The following HIF3A variants were observed in gnomAD, a reference collection of about 807,000 sequenced individuals.
HIF3A encodes hypoxia inducible factor 3 subunit alpha, also known as hypoxia-inducible factor 3-alpha.
HIF3A carries 41 observed loss-of-function variants against 67.2 expected under a neutral mutation model. The observed-to-expected ratio is 0.61, with a 90% CI of 0.48 to 0.79. The LOEUF (loss-of-function observed/expected upper bound fraction) is 0.79. Ranked by LOEUF, HIF3A falls within the 30% of genes least tolerant of loss-of-function variation. The pLI, the probability that HIF3A is intolerant of heterozygous loss-of-function variation, is 0.00. For synonymous variants in HIF3A, 356 were observed against 374.8 expected, an observed-to-expected ratio of 0.95 and a Z score of 0.58; for missense variants, 855 against 898.0, an observed-to-expected ratio of 0.95 and a Z score of 0.61.
intron 14 of HIF3A, among the ~76,000 whole-genome samples, chr19:46,337,313 C>G (rs1018553160): frequency 4.6e-5 from 7 of 152,026 alleles, no homozygotes; most frequent in African/African-American, 1.7e-4. Flanking sequence ...CACAGTGGTG[C>G]GATCACAGCT....
chr19:46,331,008 GTGGA>G, intron 12 of HIF3A, 144 bp from the exon 13 acceptor site: 8 of 522,152 alleles, frequency 1.5e-5, no homozygotes, highest in South Asian at 1.0e-4. Flanking sequence ...AGATGGATTG[GTGGA>G]TGGATGGATG....
intron 8 of HIF3A, chr19:46,312,881 AAT>A: frequency 4.2e-6 from 4 of 944,354 alleles, no homozygotes; most frequent in African/African-American, 4.8e-5. Flanking sequence ...GTAGACTGTT[AAT>A]TTTTTTTTTT....
intron 3 of HIF3A, among the ~76,000 whole-genome samples, chr19:46,307,689 A>G (rs1454777632): frequency 3.3e-5 from 5 of 151,490 alleles, no homozygotes; most frequent in African/African-American, 1.2e-4. Context: ...TGGAGGTTGC[A>G]GTGAGCTGAG....
intron 9 of HIF3A, 126 bp from the exon 10 acceptor site, chr19:46,321,650 C>A: frequency 1.2e-6 from 1 of 834,914 alleles, no homozygotes; most frequent in Non-Finnish European, 1.9e-6. Flanking sequence ...TACCCTCTCA[C>A]TAAGAACAGT....
chr19:46,308,820 G>A, intron 5 of HIF3A, 45 bp downstream of exon 5: 1 of 1,297,918 alleles, frequency 7.7e-7, no homozygotes, highest in Non-Finnish European at 1.1e-6. Flanking sequence ...CTGGGGCTGG[G>A]TGTGAGCCCT....
chr19:46,339,133 G>T (rs1971830607), intron 14 of HIF3A, among the ~76,000 whole-genome samples: 2 of 151,916 alleles, frequency 1.3e-5, no homozygotes, highest in Admixed American at 1.3e-4. Flanking sequence ...TTAAAAAAAG[G>T]ACTAACTTTC....
At chr19:46,338,157 C>T (rs2147332398) in intron 14 of HIF3A, 7 of 453,744 alleles carry the variant, frequency 1.5e-5, no homozygotes, top group South Asian at 1.1e-4. Context: ...GTCTCTAGCA[C>T]CTGGCACAGT....
intron 13 of HIF3A, among the ~76,000 whole-genome samples, chr19:46,333,581 G>A (rs773945874): frequency 9.2e-5 from 14 of 152,010 alleles, no homozygotes; most frequent in Admixed American, 2.6e-4. Context: ...GTCCTCGGGC[G>A]AAGGAAGAAG....
At position 46,320,465 on chromosome 19, in the gene HIF3A, G is replaced by C. The variant is rs1441327216; in HGVS notation, c.1048G>C (p.Val350Leu). The part of the protein sequence containing the change: ...LISQVEETGV[V>L]LSLEQTEQHS... ...CAGCCAGGTGGAAGAGACCGGAGTG[G>C]TGCTGTCCCTGGAGCAAACGGAGCA... is the stretch of plus-strand genomic sequence containing the variant. The change falls in exon 9 of 15, where the codon GTG becomes CTG. Residue 350 changes from valine to leucine, a missense_variant. Val to Leu is a conservative substitution (Grantham distance 32). Coordinates refer to ENST00000377670, the MANE Select transcript of HIF3A (RefSeq NM_152795.4). 1 of 1,614,014 alleles carries C rather than the reference G, an allele frequency of 6.2e-7. No homozygotes were observed. The highest frequency in any genetic ancestry group is 8.5e-7 in the Non-Finnish European group (1 of 1,179,984).
chr19:46,339,059 T>A (rs1484819536), intron 14 of HIF3A, among the ~76,000 whole-genome samples: 6 of 152,148 alleles, frequency 3.9e-5, no homozygotes, highest in Non-Finnish European at 2.9e-5. Flanking sequence ...TTTGCCTTTG[T>A]TAAATGCCCA....
Position 46,341,071 on chromosome 19 carries a change from C to T in HIF3A, c.*1449C>T, listed in dbSNP as rs74499708. On this transcript the variant is annotated 3_prime_UTR_variant, in exon 15 of 15. Transcript: ENST00000377670. ...AGATCTCACACCCTCCAACGCCCTCCGGTTCCAGATCTTATATTCAGTGAT... is the reference window on the plus strand; with the variant it reads ...AGATCTCACACCCTCCAACGCCCTCTGGTTCCAGATCTTATATTCAGTGAT... The T allele has an allele frequency of 0.063, 9,627 of 152,200 alleles. 539 individuals carry two copies. Among genetic ancestry groups the T allele is most frequent in the East Asian group, 0.28 (1,439 of 5,172 alleles). The allele number at this position is 152,200 out of a possible 1,614,324, so 9.4% of individuals were successfully genotyped here. A position where few individuals can be genotyped will look rare whatever the true frequency, so the allele number is the denominator to read the frequency against.
In HIF3A at chr19:46,297,063, G is replaced by A. The variant is rs781582522; in HGVS notation, c.-14G>A. On this transcript the variant is annotated 5_prime_UTR_variant, in exon 1 of 15. Coordinates refer to ENST00000377670, the MANE Select transcript of HIF3A (RefSeq NM_152795.4). This position sits in a 1 kb window ranked among gnomAD's most constrained non-coding sequence, Gnocchi z 4.5. ...AGGGGCCTCCGAGGGCTCCGGAGCG[G>A]CGACTGGCGAGCCATGGCGCTGGGG... is the stretch of plus-strand genomic sequence containing the variant. 4 of 1,306,546 alleles carry A rather than the reference G, an allele frequency of 3.1e-6. No individual in the cohort carries two copies. In the Admixed American group the frequency reaches 1.2e-4, roughly 40 times the overall value. 80.9% of individuals were successfully genotyped at this position (1,306,546 alleles called of 1,614,324 possible). A position where few individuals can be genotyped will look rare whatever the true frequency, so the allele number is the denominator to read the frequency against.
At chr19:46,335,363 A>G (rs1169321215) in intron 14 of HIF3A, among the ~76,000 whole-genome samples, 1 of 151,710 alleles carries the variant, frequency 6.6e-6, no homozygotes, top group Non-Finnish European at 1.5e-5. Flanking sequence ...TCCGCCTCCC[A>G]GGTTCAAGTG....
chr19:46,303,413 C>T (rs1397664172), intron 1 of HIF3A, among the ~76,000 whole-genome samples: 1 of 152,126 alleles, frequency 6.6e-6, no homozygotes, highest in Non-Finnish European at 1.5e-5. Flanking sequence ...ATTCACAGGA[C>T]GGCTCAGTTG....
In HIF3A at chr19:46,297,116, G is replaced by C. The variant is rs2147089867; in HGVS notation, c.26+14G>C. The C allele has an allele frequency of 7.7e-7, 1 of 1,292,844 alleles. No homozygotes were observed. The highest frequency in any genetic ancestry group is 1.0e-6 in the Non-Finnish European group (1 of 1,004,838). 80.1% of individuals were successfully genotyped at this position (1,292,844 alleles called of 1,614,324 possible). On this transcript the variant is annotated intron_variant, in intron 1 of 14. Coordinates refer to ENST00000377670, the MANE Select transcript of HIF3A (RefSeq NM_152795.4). The surrounding 1 kb of genome is among the most constrained non-coding windows in gnomAD (Gnocchi z 4.5). The stretch of plus-strand genomic sequence containing the variant: ...GCAGCGCGCAAGGTACTGAAGTTCG[G>C]GGGCAGGAGTTCTGGGAATTGGGGG...
chr19:46,324,394 C>T (rs985399943), intron 10 of HIF3A, among the ~76,000 whole-genome samples: 5 of 152,150 alleles, frequency 3.3e-5, no homozygotes, highest in Admixed American at 3.3e-4. Context: ...CCAGTGTTGA[C>T]TGTCTTCATC....
In HIF3A at chr19:46,312,237, T is replaced by A. The variant is rs1969496206; in HGVS notation, c.847T>A (p.Ser283Thr). The A allele has an allele frequency of 1.2e-6, 2 of 1,613,772 alleles. No individual in the cohort carries two copies. Among genetic ancestry groups the A allele is most frequent in the Admixed American group, 1.7e-5 (1 of 59,948 alleles). ...SAYEYIHALD[S>T]DAVSKSIHTL... is the part of the protein sequence containing the mutation. ...CTACGAGTACATCCACGCGCTGGAC[T>A]CCGATGCGGTCAGCAAGAGCATCCA... The change falls in exon 7 of 15, where the codon TCC (serine) becomes ACC (threonine). Residue 283 changes from serine to threonine, a missense_variant. By Grantham distance (58) the Ser-to-Thr change is moderately conservative. This residue lies in a region of HIF3A where 638 missense variants were observed against 660.5 expected (regional missense o/e 0.97). Coordinates refer to ENST00000377670, the MANE Select transcript of HIF3A (RefSeq NM_152795.4).
At chr19:46,313,304 G>A in intron 8 of HIF3A, 1 of 981,638 alleles carries the variant, frequency 1.0e-6, no homozygotes, top group Non-Finnish European at 1.2e-6. Flanking sequence ...GTTAAAATAA[G>A]AAGTGTAACA....
intron 8 of HIF3A, among the ~76,000 whole-genome samples, chr19:46,319,572 TAAATA>T (rs1418728236): frequency 1.3e-5 from 2 of 152,222 alleles, no homozygotes; most frequent in African/African-American, 4.8e-5. Context: ...AGAAACAGCA[TAAATA>T]AAATCTTATT....
Sources: allele counts gnomAD v4.1 joint callset (sites outside exome capture counted in the v4.1 genomes callset), GRCh38; gene constraint gnomAD v4.1.1; regional missense constraint gnomAD v4.1.1; non-coding constraint Gnocchi (gnomAD v3.1); transcripts MANE v1.5; gene names NCBI Gene and HGNC (gene_info 2026-07-23, HGNC 2026-07-21).